Variants in SLC4A7 observed in about 807,000 individuals in gnomAD.
The protein encoded by SLC4A7 is solute carrier family 4 member 7, also known as sodium bicarbonate cotransporter 3.
Under a neutral mutation model 137.6 loss-of-function variants are expected in SLC4A7, and 51 were observed. That is an observed-to-expected ratio of 0.37 (90% confidence interval 0.30 to 0.47). SLC4A7 has a LOEUF of 0.47. SLC4A7 is among the 20% of genes least tolerant of loss of function. The pLI, the probability that SLC4A7 is intolerant of heterozygous loss-of-function variation, is 1.00. For missense variants in SLC4A7, 1,247 were observed against 1,525.4 expected (o/e 0.82, Z 3.04); for synonymous variants, 542 against 518.6 (o/e 1.05, Z -0.61).
At chr3:27,380,563 T>C (rs2050325075) in intron 24 of SLC4A7, among the ~76,000 whole-genome samples, 2 of 152,080 alleles carry the variant, frequency 1.3e-5, no homozygotes, top group African/African-American at 4.8e-5. Flanking sequence ...CAAATACAAA[T>C]GTCAAATTAG....
At chr3:27,475,928 C>A (rs1005569628) in intron 1 of SLC4A7, among the ~76,000 whole-genome samples, 3 of 152,096 alleles carry the variant, frequency 2.0e-5, no homozygotes, top group Admixed American at 6.6e-5. Context: ...AGAGGGTCCA[C>A]AAACCTCAAA....
At chr3:27,402,943 G>A (rs1023628998) in intron 15 of SLC4A7, among the ~76,000 whole-genome samples, 196 bp downstream of exon 15, 1 of 151,948 alleles carries the variant, frequency 6.6e-6, no homozygotes, top group Non-Finnish European at 1.5e-5. Flanking sequence ...AAAAAATACT[G>A]AATTTGATCA....
intron 1 of SLC4A7, among the ~76,000 whole-genome samples, chr3:27,473,374 T>TAC (rs1421651647): frequency 6.6e-6 from 1 of 152,122 alleles, no homozygotes; most frequent in African/African-American, 2.4e-5. Context: ...CAAGCTGAAT[T>TAC]ACTTTAAAAT....
At chr3:27,460,768 G>C (rs994029566) in intron 1 of SLC4A7, among the ~76,000 whole-genome samples, 4 of 152,182 alleles carry the variant, frequency 2.6e-5, no homozygotes, top group African/African-American at 4.8e-5. Context: ...ATTTTGGATA[G>C]ATACCTTCTC....
intron 3 of SLC4A7, among the ~76,000 whole-genome samples, chr3:27,443,323 C>A: frequency 6.6e-6 from 1 of 152,126 alleles, no homozygotes. Flanking sequence ...AGCCACCAGG[C>A]TTGGCCCTCT....
At chr3:27,428,245 T>C (rs546004927) in intron 7 of SLC4A7, 1 of 154,516 alleles carries the variant, frequency 6.5e-6, no homozygotes, top group Non-Finnish European at 1.5e-5. Flanking sequence ...AATACTCTAG[T>C]ATAGATTTTG....
chr3:27,402,932 C>T (rs1246910167), intron 15 of SLC4A7, among the ~76,000 whole-genome samples: 1 of 151,948 alleles, frequency 6.6e-6, no homozygotes, highest in Non-Finnish European at 1.5e-5. Flanking sequence ...TCTCAGTGAA[C>T]AAAAAATACT....
intron 11 of SLC4A7, among the ~76,000 whole-genome samples, chr3:27,411,995 A>G (rs1429593860): frequency 6.6e-6 from 1 of 152,132 alleles, no homozygotes; most frequent in East Asian, 1.9e-4. Flanking sequence ...TCTAATTATC[A>G]ATATACTATA....
At chr3:27,410,975 T>G (rs1278664800) in intron 12 of SLC4A7, among the ~76,000 whole-genome samples, 2 of 152,272 alleles carry the variant, frequency 1.3e-5, no homozygotes, top group South Asian at 2.1e-4. Context: ...GATTTAATAT[T>G]TAAGATTATT....
intron 1 of SLC4A7, among the ~76,000 whole-genome samples, chr3:27,476,154 C>T (rs2059451578): frequency 6.6e-6 from 1 of 151,792 alleles, no homozygotes; most frequent in Admixed American, 6.6e-5. Flanking sequence ...AGTAAAATAC[C>T]CAGTTTTCCA....
At chr3:27,409,090 C>A (rs1043625996) in intron 13 of SLC4A7, among the ~76,000 whole-genome samples, 1 of 152,084 alleles carries the variant, frequency 6.6e-6, no homozygotes, top group Non-Finnish European at 1.5e-5. Flanking sequence ...CAATCCAAGC[C>A]TTTTACTCAA....
At chr3:27,458,149 A>T (rs568264228) in intron 1 of SLC4A7, among the ~76,000 whole-genome samples, 1 of 152,326 alleles carries the variant, frequency 6.6e-6, no homozygotes, top group South Asian at 2.1e-4. Flanking sequence ...TCAGAATATT[A>T]AAGCAATACA....
rs2056276632 is a variant in SLC4A7, at chr3:27,431,459, G to A, written c.989C>T (p.Ser330Phe). 3 of 1,613,980 alleles carry A rather than the reference G, an allele frequency of 1.9e-6. No individual in the cohort carries two copies. Among genetic ancestry groups the A allele is most frequent in the Non-Finnish European group, 2.5e-6 (3 of 1,179,980 alleles). ...PSSPSISRLT[S>F]RSSQESQRQA... ...ACGCTGACTCTCTTGGGAACTTCTG[G>A]AGGTCAGGCGGCTGATGCTAGGGCT... is the stretch of plus-strand genomic sequence containing the variant. The change falls in exon 7 of 26, where the codon TCC (serine) becomes TTC (phenylalanine). Residue 330 changes from serine to phenylalanine, a missense_variant. By Grantham distance (155) the Ser-to-Phe change is radical (BLOSUM62 -2). This residue lies in a region of SLC4A7 where 223 missense variants were observed against 203.6 expected (regional missense o/e 1.10). Transcript: ENST00000454389.
At chr3:27,386,063 T>C (rs773646388) in intron 22 of SLC4A7, 40 bp from the exon 23 acceptor site, 1 of 1,491,048 alleles carries the variant, frequency 6.7e-7, no homozygotes, top group Non-Finnish European at 9.1e-7. Flanking sequence ...TAACACATAA[T>C]ACAAACTGTA....
chr3:27,451,066 A>G (rs778749134), intron 2 of SLC4A7, among the ~76,000 whole-genome samples: 1 of 152,080 alleles, frequency 6.6e-6, no homozygotes, highest in Non-Finnish European at 1.5e-5. Context: ...GGATCTAACC[A>G]TAAGCTTCTA....
rs2052962965 is a variant in SLC4A7, at chr3:27,403,174, A to G, written c.2286T>C (p.Asn762=). ...LFDLGETYAF[N]MHNNLDKLTS... is the part of the protein sequence containing the mutation. ...TCAGTTTATCTAAGTTGTTGTGCAT[A>G]TTAAATGCATATGTTTCTCCTAAAT... The change falls in exon 15 of 26, where the codon AAT becomes AAC. Residue 762 remains asparagine (N), a synonymous_variant. Coordinates refer to ENST00000454389, the MANE Select transcript of SLC4A7 (RefSeq NM_001321103.2). 1 of 1,612,854 alleles carries G rather than the reference A, an allele frequency of 6.2e-7. No individual in the cohort carries two copies. Among genetic ancestry groups the G allele is most frequent in the East Asian group, 2.2e-5 (1 of 44,806 alleles).
At chr3:27,431,192 T>A in intron 7 of SLC4A7, 106 bp downstream of exon 7, 1 of 1,111,812 alleles carries the variant, frequency 9.0e-7, no homozygotes, top group Non-Finnish European at 1.2e-6. Context: ...AAATAAATTA[T>A]AAGCATTATC....
intron 7 of SLC4A7, among the ~76,000 whole-genome samples, chr3:27,427,806 T>A (rs2055807838): frequency 1.3e-5 from 2 of 152,180 alleles, no homozygotes; most frequent in South Asian, 4.1e-4. Flanking sequence ...AGAAATTCCC[T>A]CTCTCCTCTC....
chr3:27,472,317 G>A (rs114918954), intron 1 of SLC4A7, among the ~76,000 whole-genome samples: 5 of 152,124 alleles, frequency 3.3e-5, no homozygotes, highest in Non-Finnish European at 5.9e-5. Flanking sequence ...GCTGGTTTCC[G>A]CAATGCACGC....
Sources: allele counts gnomAD v4.1 joint callset (sites outside exome capture counted in the v4.1 genomes callset), GRCh38; gene constraint gnomAD v4.1.1; regional missense constraint gnomAD v4.1.1; transcripts MANE v1.5; gene names NCBI Gene and HGNC (gene_info 2026-07-23, HGNC 2026-07-21).